The following ZNF639 variants were observed in gnomAD, a reference collection of about 807,000 sequenced individuals.
ZNF639 encodes zinc finger protein 639.
A neutral mutation model predicts 39.8 loss-of-function variants in ZNF639; 20 were observed. The observed-to-expected ratio is 0.50, with a 90% CI of 0.35 to 0.73. ZNF639 has a LOEUF of 0.73. Ranked by LOEUF, ZNF639 falls within the 30% of genes least tolerant of loss-of-function variation. The pLI is 0.00. For synonymous variants in ZNF639, 176 were observed against 189.8 expected (o/e 0.93, Z 0.60); for missense variants, 477 against 566.2 (o/e 0.84, Z 1.60).
intron 3 of ZNF639, among the ~76,000 whole-genome samples, chr3:179,328,652 C>T (rs746345834): frequency 1.2e-4 from 18 of 152,134 alleles, no homozygotes; most frequent in African/African-American, 2.2e-4. Flanking sequence ...TGTCTGATAC[C>T]TAAGCTGTGC....
chr3:179,332,915 A>C, intron 4 of ZNF639, 74 bp from the exon 5 acceptor site: 1 of 1,444,120 alleles, frequency 6.9e-7, no homozygotes, highest in Non-Finnish European at 9.1e-7. Context: ...CATATTTAAA[A>C]ATTGATGCTT....
In ZNF639 at chr3:179,334,604, G is replaced by T; in HGVS notation, c.*182G>T. 1 of 380,082 alleles carries T rather than the reference G, an allele frequency of 2.6e-6. No homozygotes were observed. Among genetic ancestry groups the T allele is most frequent in the Non-Finnish European group, 4.6e-6 (1 of 218,576 alleles). The allele number at this position is 380,082 out of a possible 1,614,324, so 23.5% of individuals were successfully genotyped here. Reference sequence around the variant, plus strand: ...CTGTATATAAATATATCTTTAATGTGGTATTTTCAATTGCGTGATAGTTTG... The same window carrying T: ...CTGTATATAAATATATCTTTAATGTTGTATTTTCAATTGCGTGATAGTTTG... On this transcript the variant is annotated 3_prime_UTR_variant, in exon 6 of 6. Coordinates refer to ENST00000496856, the MANE Select transcript of ZNF639 (RefSeq NM_001303426.2).
Position 179,333,363 on chromosome 3 carries a change from C to A in ZNF639, c.399C>A (p.His133Gln), listed in dbSNP as rs751520197. The change falls in exon 6 of 6, where the codon CAC becomes CAA. Residue 133 changes from histidine to glutamine, a missense_variant. His to Gln is a conservative substitution (Grantham distance 24). Coordinates refer to ENST00000496856, the MANE Select transcript of ZNF639 (RefSeq NM_001303426.2). ...AAGAGGAGAGTCCTATAGAAGTTCACACTGCTGAAGATGTTCCAATTGCTG... is the reference window on the plus strand; with the variant it reads ...AAGAGGAGAGTCCTATAGAAGTTCAAACTGCTGAAGATGTTCCAATTGCTG... The part of the protein sequence containing the change: ...QTQEESPIEV[H>Q]TAEDVPIAVE... 17 of 1,614,092 alleles carry A rather than the reference C, an allele frequency of 1.1e-5. No homozygotes were observed. The East Asian group carries it at 2.9e-4, about 28-fold the overall frequency.
rs147750542 is a variant in ZNF639 at position 179,333,745 on chromosome 3, A to G, written c.781A>G (p.Ile261Val). The G allele has an allele frequency of 2.0e-5, 33 of 1,614,028 alleles. 1 individual carries two copies. The South Asian group carries it at 2.7e-4, about 13-fold the overall frequency. Residue 261 changes from isoleucine to valine, a missense_variant, in exon 6 of 6, where the codon ATT (isoleucine) becomes GTT (valine). Physicochemically the swap from Ile to Val is conservative, Grantham distance 29 (BLOSUM62 3). Coordinates refer to ENST00000496856, the MANE Select transcript of ZNF639 (RefSeq NM_001303426.2). ...CAAACTGCATGAAGAGGATCCCTAC[A>G]TTTGTAAATACTGTGATTATAAGAC... ...HAKLHEEDPY[I>V]CKYCDYKTVI...
chr3:179,333,835 T>C lies in ZNF639; in HGVS notation c.871T>C (p.Cys291Arg). 1 of 1,614,216 alleles carries C rather than the reference T, an allele frequency of 6.2e-7. No homozygotes were observed. The highest frequency in any genetic ancestry group is 8.5e-7 in the Non-Finnish European group (1 of 1,180,020). ...DTHFSDHLYW[C>R]EQCDVQFSSS... is the part of the protein sequence containing the mutation. The stretch of plus-strand genomic sequence containing the variant: ...CCATTTTAGTGATCACCTCTATTGG[T>C]GTGAACAGTGTGATGTACAGTTCTC... Residue 291 changes from cysteine (C) to arginine (R), a missense_variant, in exon 6 of 6, where the codon TGT (cysteine) becomes CGT (arginine). By Grantham distance (180) the Cys-to-Arg change is radical (BLOSUM62 -3). Transcript: ENST00000496856.
At chr3:179,324,826 A>G (rs964960427) in intron 1 of ZNF639, 2 of 152,236 alleles carry the variant, frequency 1.3e-5, no homozygotes, top group African/African-American at 4.8e-5. Flanking sequence ...GAGACTACTT[A>G]ACATGTTCGG....
At chr3:179,328,479 T>G in intron 3 of ZNF639, 128 bp downstream of exon 3, 1 of 562,022 alleles carries the variant, frequency 1.8e-6, no homozygotes. Flanking sequence ...AAACAACGGT[T>G]TAAATACATT....
At chr3:179,323,009 C>T (rs574575367), upstream of ZNF639, 17 of 985,258 alleles carry the variant, frequency 1.7e-5, no homozygotes, top group South Asian at 6.1e-4. Flanking sequence ...TCGTCACCTC[C>T]CCGCCCTCTC....
chr3:179,332,874 C>A, intron 4 of ZNF639, 115 bp from the exon 5 acceptor site: 1 of 1,346,024 alleles, frequency 7.4e-7, no homozygotes, highest in Non-Finnish European at 9.7e-7. Context: ...TGACTAAATC[C>A]AAGTCCTTAG....
In ZNF639 at chr3:179,334,506, C is replaced by G; in HGVS notation, c.*84C>G. 1.8e-6 allele frequency: 2 copies of G among 1,094,522 alleles called. No individual in the cohort carries two copies. Among genetic ancestry groups the G allele is most frequent in the Non-Finnish European group, 2.5e-6 (2 of 806,324 alleles). 67.8% of individuals were successfully genotyped at this position (1,094,522 alleles called of 1,614,324 possible). On this transcript the variant is annotated 3_prime_UTR_variant, in exon 6 of 6. Transcript: ENST00000496856. ...AGATGATTAAATGGATGATTGTAAA[C>G]ACAACTTATGAAATCTGCCTTTAAC...
Position 179,335,580 on chromosome 3 carries a change from G to A in ZNF639, c.*1158G>A, listed in dbSNP as rs1711504853. 1 of 152,268 alleles carries A rather than the reference G, an allele frequency of 6.6e-6. No homozygotes were observed. The highest frequency in any genetic ancestry group is 2.1e-4 in the South Asian group (1 of 4,830). The allele number at this position is 152,268 out of a possible 1,614,324, so 9.4% of individuals were successfully genotyped here. A position where few individuals can be genotyped will look rare whatever the true frequency, so the allele number is the denominator to read the frequency against. On this transcript the variant is annotated 3_prime_UTR_variant, in exon 6 of 6. Coordinates refer to ENST00000496856, the MANE Select transcript of ZNF639 (RefSeq NM_001303426.2). ...GCCATAACAAATTACTACAAACTGA[G>A]TTGCCTACCTAGCAGAAATTTATGG...
rs1208899268 is a variant in ZNF639, at chr3:179,336,319, A to G, written c.*1897A>G. On this transcript the variant is annotated 3_prime_UTR_variant, in exon 6 of 6. Transcript: ENST00000496856. The stretch of plus-strand genomic sequence containing the variant: ...ATGTATCATTGCCCTCAAATTTAAC[A>G]AGCACTGCTAACATTATTTTTTAGG... The G allele has an allele frequency of 2.2e-5, 2 of 90,184 alleles. No homozygotes were observed. Among genetic ancestry groups the G allele is most frequent in the African/African-American group, 9.6e-5 (2 of 20,832 alleles). 5.6% of individuals were successfully genotyped at this position (90,184 alleles called of 1,614,324 possible).
rs1560184138 is a variant in ZNF639 at position 179,335,932 on chromosome 3, CAG to C, written c.*1511_*1512del. On this transcript the variant is annotated 3_prime_UTR_variant, in exon 6 of 6. Transcript: ENST00000496856. ...CAGCTTCCCAAGTAGCTGGGGTTAA[CAG>C]GCGTCAGCCACCATGCCAGGCTAAT... 6.6e-6 allele frequency: 1 copy of C among 152,138 alleles called. No homozygotes were observed. The highest frequency in any genetic ancestry group is 2.4e-5 in the African/African-American group (1 of 41,392). 9.4% of individuals were successfully genotyped at this position (152,138 alleles called of 1,614,324 possible).
Position 179,334,222 on chromosome 3 carries a change from A to G in ZNF639, c.1258A>G (p.Lys420Glu). 6.2e-7 allele frequency: 1 copy of G among 1,612,924 alleles called. No homozygotes were observed. The highest frequency in any genetic ancestry group is 1.3e-5 in the African/African-American group (1 of 75,028). ...KGFSSMLEYC[K>E]HLNSHLSEGI... ...CTTTTCAAGTATGCTAGAATATTGC[A>G]AGCATTTAAATTCACATTTATCTGA... The change falls in exon 6 of 6, where the codon AAG (lysine) becomes GAG (glutamate). Residue 420 changes from lysine (K) to glutamate (E), a missense_variant. Coordinates refer to ENST00000496856, the MANE Select transcript of ZNF639 (RefSeq NM_001303426.2).
intron 4 of ZNF639, among the ~76,000 whole-genome samples, chr3:179,330,943 T>A (rs939625010): frequency 2.6e-5 from 4 of 152,232 alleles, no homozygotes; most frequent in African/African-American, 9.6e-5. Context: ...CACACTTTGC[T>A]GTGTTAGCTG....
rs534064775 is a variant in ZNF639 at position 179,328,274 on chromosome 3, G to GT, written c.-11-3dup. ...GTGACATATTTGTTAATTTTTTCTCGTTTTTTAGATTGAAAAGATATGAAT... is the reference window on the plus strand; with the variant it reads ...GTGACATATTTGTTAATTTTTTCTCGTTTTTTTAGATTGAAAAGATATGAAT... On this transcript the variant is annotated splice_polypyrimidine_tract_variant and intron_variant, in intron 2 of 5. Coordinates refer to ENST00000496856, the MANE Select transcript of ZNF639 (RefSeq NM_001303426.2). 3.9e-5 allele frequency: 58 copies of GT among 1,498,750 alleles called. No homozygotes were observed. The highest frequency in any genetic ancestry group is 3.0e-4 in the East Asian group (13 of 43,470). The allele number at this position is 1,498,750 out of a possible 1,614,324, so 92.8% of individuals were successfully genotyped here.
At chr3:179,331,040 A>G (rs1019828082) in intron 4 of ZNF639, among the ~76,000 whole-genome samples, 4 of 152,246 alleles carry the variant, frequency 2.6e-5, no homozygotes, top group African/African-American at 9.6e-5. Flanking sequence ...CTCCTTGGGA[A>G]AATGGCTGAT....
intron 4 of ZNF639, among the ~76,000 whole-genome samples, chr3:179,331,217 G>A (rs1727886774): frequency 1.3e-5 from 2 of 152,068 alleles, no homozygotes. Flanking sequence ...AAAACTATTT[G>A]GGGACAAAAA....
Position 179,323,100 on chromosome 3 carries a change from T to C in ZNF639, c.-274T>C, listed in dbSNP as rs1362743. On this transcript the variant is annotated 5_prime_UTR_variant, in exon 1 of 6. Transcript: ENST00000496856. ...GGCCGCGGAGCCTAGGCCAGGGGCC[T>C]GGCGCTCAGGGCGTGGGGCGCGCGG... The C allele has an allele frequency of 0.15, 150,923 of 984,638 alleles. 12,329 individuals carry two copies. Among genetic ancestry groups the C allele is most frequent in the Non-Finnish European group, 0.17 (138,110 of 829,850 alleles). 61.0% of individuals were successfully genotyped at this position (984,638 alleles called of 1,614,324 possible).
Sources: gnomAD v4.1 joint callset for allele counts (sites outside exome capture counted in the v4.1 genomes callset) on GRCh38, gnomAD v4.1.1 for gene constraint, MANE v1.5 for transcripts, NCBI Gene and HGNC (gene_info 2026-07-23, HGNC 2026-07-21) for gene names.